Variants in DCTN2 observed in about 807,000 individuals in gnomAD.
DCTN2 encodes the protein dynactin subunit 2.
A neutral mutation model predicts 55.4 loss-of-function variants in DCTN2; 18 were observed. The observed-to-expected ratio is 0.32, with a 90% confidence interval of 0.22 to 0.48. The LOEUF is 0.48. Ranked by LOEUF, DCTN2 falls within the 20% of genes least tolerant of loss-of-function variation. The pLI, the probability that DCTN2 is intolerant of heterozygous loss-of-function variation, is 0.99. For missense variants in DCTN2, 390 were observed against 491.0 expected (o/e 0.79, Z 1.94); for synonymous variants, 168 against 185.2 (o/e 0.91, Z 0.76).
intron 7 of DCTN2, among the ~76,000 whole-genome samples, chr12:57,533,511 C>T (rs538192055): frequency 3.3e-5 from 5 of 152,172 alleles, no homozygotes; most frequent in Admixed American, 6.6e-5. Context: ...GTGGCTCACG[C>T]CTGTAATCCC....
intron 2 of DCTN2, among the ~76,000 whole-genome samples, chr12:57,545,097 T>C (rs113321973): frequency 5.3e-5 from 8 of 152,254 alleles, no homozygotes; most frequent in African/African-American, 1.2e-4. Context: ...CCCACAGACA[T>C]AGCCACAGGA....
At chr12:57,535,955 G>T in intron 2 of DCTN2, 110 bp from the exon 3 acceptor site, 1 of 816,838 alleles carries the variant, frequency 1.2e-6, no homozygotes, top group Non-Finnish European at 2.0e-6. Flanking sequence ...CTTGTCCAAG[G>T]GGAAAGAAGG....
chr12:57,535,095 A>G lies in DCTN2; in HGVS notation c.324T>C (p.His108=), dbSNP rs760550606. ...TPQQKYQRLL[H]EVQELTTEVE... ...CTTCAGTTGTCAGCTCTTGGACCTC[A>G]TGCAGTAGGCGCTGGTACTTTTGCT... is the stretch of plus-strand genomic sequence containing the variant. Residue 108 remains histidine (H), a synonymous_variant, in exon 5 of 14, where the codon CAT becomes CAC. Transcript: ENST00000548249. 1 of 1,613,664 alleles carries G rather than the reference A, an allele frequency of 6.2e-7. No individual in the cohort carries two copies. The highest frequency in any genetic ancestry group is 1.7e-5 in the Admixed American group (1 of 60,000).
At chr12:57,536,921 T>C (rs1880280025) in intron 2 of DCTN2, among the ~76,000 whole-genome samples, 1 of 151,932 alleles carries the variant, frequency 6.6e-6, no homozygotes, top group Non-Finnish European at 1.5e-5. Context: ...GAAGGCAAAA[T>C]GAGCCTTCCT....
chr12:57,545,142 A>G (rs578233294), intron 2 of DCTN2, among the ~76,000 whole-genome samples: 2 of 152,346 alleles, frequency 1.3e-5, no homozygotes, highest in Admixed American at 1.3e-4. Flanking sequence ...GCATATTGCA[A>G]TGACTCTTGG....
intron 2 of DCTN2, 85 bp from the exon 3 acceptor site, chr12:57,535,930 G>T: frequency 9.4e-7 from 1 of 1,061,700 alleles, no homozygotes; most frequent in Non-Finnish European, 1.4e-6. Context: ...CAAACCATTA[G>T]GTGACTGGGC....
chr12:57,536,657 A>C (rs1880257644), intron 2 of DCTN2, among the ~76,000 whole-genome samples: 1 of 152,150 alleles, frequency 6.6e-6, no homozygotes, highest in Non-Finnish European at 1.5e-5. Context: ...CTCTTCCAAA[A>C]ACAGGGGACA....
chr12:57,535,127 T>C lies in DCTN2; in HGVS notation c.292A>G (p.Thr98Ala). Residue 98 changes from threonine (T) to alanine (A), a missense_variant, in exon 5 of 14, where the codon ACA (threonine) becomes GCA (alanine). Transcript: ENST00000548249. ...MLGEGLGVKE[T>A]PQQKYQRLLH... The stretch of plus-strand genomic sequence containing the variant: ...AGGCGCTGGTACTTTTGCTGGGGTG[T>C]CTCCTTCACTCCCAGACCCTCTCCA... 6.2e-7 allele frequency: 1 copy of C among 1,613,694 alleles called. No individual in the cohort carries two copies. Among genetic ancestry groups the C allele is most frequent in the South Asian group, 1.1e-5 (1 of 91,062 alleles).
intron 2 of DCTN2, among the ~76,000 whole-genome samples, chr12:57,542,202 G>A (rs995819883): frequency 3.9e-5 from 6 of 151,926 alleles, no homozygotes; most frequent in Non-Finnish European, 8.8e-5. Context: ...CTTGAACTCG[G>A]GAGGTGGAGG....
chr12:57,544,417 TG>T (rs1880971783), intron 2 of DCTN2, among the ~76,000 whole-genome samples: 2 of 146,250 alleles, frequency 1.4e-5, no homozygotes, highest in Non-Finnish European at 3.0e-5. Flanking sequence ...ATTGTTGTAC[TG>T]GTTTTTTTTT....
intron 2 of DCTN2, chr12:57,538,256 G>T: frequency 1.7e-6 from 1 of 573,030 alleles, no homozygotes; most frequent in Non-Finnish European, 3.3e-6. Context: ...GGGCTACCTG[G>T]CGCTGGCATC....
At chr12:57,533,736 A>G (rs1193598754) in intron 7 of DCTN2, among the ~76,000 whole-genome samples, 1 of 149,908 alleles carries the variant, frequency 6.7e-6, no homozygotes, top group East Asian at 2.0e-4. Context: ...GCGCCACTGC[A>G]CTCCAGCCTG....
intron 2 of DCTN2, among the ~76,000 whole-genome samples, chr12:57,540,923 A>G (rs1406166185): frequency 6.6e-6 from 1 of 152,250 alleles, no homozygotes; most frequent in Non-Finnish European, 1.5e-5. Flanking sequence ...GATAATCCAC[A>G]TACAGCCAAG....
At chr12:57,541,377 T>C (rs1880678450) in intron 2 of DCTN2, 1 of 1,598,880 alleles carries the variant, frequency 6.3e-7, no homozygotes, top group Non-Finnish European at 8.5e-7. Context: ...TGCAAACTAG[T>C]GTCCAGGCAA....
At chr12:57,535,636 TCCATGAGGGACC>T in intron 3 of DCTN2, 91 bp from the exon 4 acceptor site, 1 of 1,533,740 alleles carries the variant, frequency 6.5e-7, no homozygotes, top group Non-Finnish European at 9.0e-7. Context: ...ATAAAATATC[TCCATGAGGGACC>T]CCTTCCCCCA....
At chr12:57,545,039 A>T (rs997228742) in intron 2 of DCTN2, among the ~76,000 whole-genome samples, 2 of 152,246 alleles carry the variant, frequency 1.3e-5, no homozygotes, top group African/African-American at 2.4e-5. Context: ...GAGTACGCCA[A>T]GCCACACATT....
At chr12:57,541,304 A>T in intron 2 of DCTN2, 2 of 1,586,378 alleles carry the variant, frequency 1.3e-6, no homozygotes. Context: ...GTGGCAGAGC[A>T]TTGCATGCGA....
intron 2 of DCTN2, among the ~76,000 whole-genome samples, chr12:57,539,040 T>C (rs1485148497): frequency 6.6e-6 from 1 of 152,224 alleles, no homozygotes; most frequent in Admixed American, 6.5e-5. Context: ...TCTTAGTTTC[T>C]CTAGCTGTGA....
intron 4 of DCTN2, 143 bp from the exon 5 acceptor site, chr12:57,535,297 G>T: frequency 1.0e-6 from 1 of 971,158 alleles, no homozygotes; most frequent in Non-Finnish European, 1.5e-6. Context: ...ACTGAGGACA[G>T]CTAGAGGGCT....
Sources: gnomAD v4.1 joint callset for allele counts (sites outside exome capture counted in the v4.1 genomes callset) on GRCh38, gnomAD v4.1.1 for gene constraint, MANE v1.5 for transcripts, NCBI Gene and HGNC (gene_info 2026-07-23, HGNC 2026-07-21) for gene names.